Variants in PHACTR1 observed in about 807,000 individuals in gnomAD.
PHACTR1 encodes the protein phosphatase and actin regulator 1.
A neutral mutation model predicts 69.2 loss-of-function variants in PHACTR1; 16 were observed. The observed-to-expected ratio is 0.23, with a 90% CI of 0.16 to 0.35. The LOEUF is 0.35. Ranked by LOEUF, PHACTR1 falls within the 10% of genes least tolerant of loss-of-function variation. The pLI is 1.00. For synonymous variants in PHACTR1, 312 were observed against 284.5 expected (o/e 1.10, Z -0.97); for missense variants, 510 against 734.7 (o/e 0.69, Z 3.54).
intron 4 of PHACTR1, among the ~76,000 whole-genome samples, chr6:12,862,378 C>G (rs1781027814): frequency 6.6e-6 from 1 of 152,146 alleles, no homozygotes; most frequent in Non-Finnish European, 1.5e-5. Flanking sequence ...AATAATGCCC[C>G]TGGAGTCACA....
At chr6:13,008,218 T>C (rs1466698594) in intron 4 of PHACTR1, among the ~76,000 whole-genome samples, 1 of 152,196 alleles carries the variant, frequency 6.6e-6, no homozygotes, top group Non-Finnish European at 1.5e-5. Context: ...CAAAACACAG[T>C]TGGCAGAAAA....
At chr6:12,836,836 A>C (rs762275817) in intron 4 of PHACTR1, among the ~76,000 whole-genome samples, 11 of 152,180 alleles carry the variant, frequency 7.2e-5, no homozygotes, top group Non-Finnish European at 1.3e-4. Context: ...CAGGTCCTAC[A>C]TGCCAGTAAA....
At chr6:12,804,747 T>A (rs1326758329) in intron 4 of PHACTR1, among the ~76,000 whole-genome samples, 1 of 152,158 alleles carries the variant, frequency 6.6e-6, no homozygotes, top group Non-Finnish European at 1.5e-5. Context: ...TGCAGTGAGC[T>A]GAAATCATAC....
chr6:12,816,120 G>T (rs1483960923), intron 4 of PHACTR1, among the ~76,000 whole-genome samples: 1 of 152,164 alleles, frequency 6.6e-6, no homozygotes, highest in Non-Finnish European at 1.5e-5. Flanking sequence ...ACCTTAAATG[G>T]CTCTGGATTG....
At chr6:12,842,127 A>G (rs1162445981) in intron 4 of PHACTR1, among the ~76,000 whole-genome samples, 1 of 152,208 alleles carries the variant, frequency 6.6e-6, no homozygotes. Flanking sequence ...ATAACATTGG[A>G]AAAAAATCTA....
chr6:12,871,808 A>G (rs1230281871), intron 4 of PHACTR1, among the ~76,000 whole-genome samples: 2 of 152,130 alleles, frequency 1.3e-5, no homozygotes, highest in African/African-American at 2.4e-5. Context: ...CTATTTTATT[A>G]GCAGTTAGAA....
At chr6:13,034,506 G>T (rs1026180611) in intron 4 of PHACTR1, among the ~76,000 whole-genome samples, 1 of 152,148 alleles carries the variant, frequency 6.6e-6, no homozygotes, top group Admixed American at 6.5e-5. Context: ...CTCTCTTAGA[G>T]AGCTGAGAAA....
At position 13,232,194 on chromosome 6, in the gene PHACTR1, C is replaced by T. The variant is rs143831248; in HGVS notation, c.1391+2001C>T. Among the ~76,000 whole-genome samples, 1,030 of 152,328 alleles carry T rather than the reference C, an allele frequency of 6.8e-3. 13 individuals are homozygous for T. Among genetic ancestry groups the T allele is most frequent in the African/African-American group, 0.022 (929 of 41,568 alleles). ...AATCAGTTACCTGTTTTCACCATCA[C>T]CTTTGCATTGTACAAGTGAGAAAGG... is the stretch of plus-strand genomic sequence containing the variant. On this transcript the variant is annotated intron_variant, in intron 10 of 14. Transcript: ENST00000332995.
chr6:12,879,880 T>C (rs1431306882), intron 4 of PHACTR1, among the ~76,000 whole-genome samples: 1 of 152,174 alleles, frequency 6.6e-6, no homozygotes, highest in Non-Finnish European at 1.5e-5. Context: ...TATTCTACTC[T>C]CGTATGGGCA....
Position 12,966,973 on chromosome 6 carries a change from G to C in PHACTR1, c.251-86392G>C, listed in dbSNP as rs116737219. ...GGTCCTCATTTTACATTTCATCTCT[G>C]ATATGAATTATCTCTGAACCTTTTT... On this transcript the variant is annotated intron_variant, in intron 4 of 14. Coordinates refer to ENST00000332995, the MANE Select transcript of PHACTR1 (RefSeq NM_030948.6). 4.1e-3 allele frequency among the ~76,000 whole-genome samples: 617 copies of C among 152,242 alleles called. 7 individuals carry two copies. The highest frequency in any genetic ancestry group is 0.014 in the African/African-American group (570 of 41,532).
chr6:12,948,380 C>G lies in PHACTR1; in HGVS notation c.251-104985C>G, dbSNP rs573071771. Among the ~76,000 whole-genome samples the G allele has an allele frequency of 2.0e-5, 3 of 152,242 alleles. No individual in the cohort carries two copies. The East Asian group carries it at 5.8e-4, about 29-fold the overall frequency. On this transcript the variant is annotated intron_variant, in intron 4 of 14. Coordinates refer to ENST00000332995, the MANE Select transcript of PHACTR1 (RefSeq NM_030948.6). Reference sequence around the variant, plus strand: ...AAATAAAGAAAGAGGTATATCCCAGCCAGCTCTAAGGCCTTAAGAGCAAAA... The same window carrying G: ...AAATAAAGAAAGAGGTATATCCCAGGCAGCTCTAAGGCCTTAAGAGCAAAA...
intron 4 of PHACTR1, among the ~76,000 whole-genome samples, chr6:12,988,962 T>A (rs756580683): frequency 6.6e-6 from 1 of 152,108 alleles, no homozygotes. Context: ...CTTGGCAGAG[T>A]CCTCCAAGGA....
intron 4 of PHACTR1, among the ~76,000 whole-genome samples, chr6:13,021,005 T>C (rs543453545): frequency 6.6e-6 from 1 of 152,284 alleles, no homozygotes; most frequent in Admixed American, 6.5e-5. Flanking sequence ...AGCATTTTTA[T>C]TGAGATATAA....
intron 4 of PHACTR1, among the ~76,000 whole-genome samples, chr6:12,871,446 G>A (rs1322734980): frequency 6.6e-6 from 1 of 152,136 alleles, no homozygotes; most frequent in African/African-American, 2.4e-5. Context: ...AAGTCTCAAT[G>A]TATGAGAGTT....
chr6:13,158,243 C>G (rs1261847572), intron 5 of PHACTR1, among the ~76,000 whole-genome samples: 1 of 152,278 alleles, frequency 6.6e-6, no homozygotes, highest in South Asian at 2.1e-4. Flanking sequence ...AATTCCCTGT[C>G]CCTTCTCCAG....
chr6:12,936,060 A>C (rs961640114), intron 4 of PHACTR1, among the ~76,000 whole-genome samples: 4 of 150,324 alleles, frequency 2.7e-5, no homozygotes, highest in African/African-American at 1.0e-4. Context: ...AAAAAAAAAA[A>C]CAGATAATCT....
chr6:12,772,779 A>G (rs2127629748), intron 4 of PHACTR1, among the ~76,000 whole-genome samples: 1 of 152,336 alleles, frequency 6.6e-6, no homozygotes. Context: ...ATTGCACTTA[A>G]ATGGAAAGGT....
intron 5 of PHACTR1, among the ~76,000 whole-genome samples, chr6:13,126,473 T>A (rs1819541480): frequency 6.6e-6 from 1 of 152,230 alleles, no homozygotes; most frequent in Non-Finnish European, 1.5e-5. Flanking sequence ...ATGGTTTGCA[T>A]CAAGAGACCA....
intron 4 of PHACTR1, among the ~76,000 whole-genome samples, chr6:13,023,924 A>C (rs1801333279): frequency 6.6e-6 from 1 of 152,194 alleles, no homozygotes; most frequent in Admixed American, 6.5e-5. Flanking sequence ...TAAAAATACA[A>C]AAATTAGCCG....
Sources: gnomAD v4.1 joint callset for allele counts (sites outside exome capture counted in the v4.1 genomes callset) on GRCh38, gnomAD v4.1.1 for gene constraint, MANE v1.5 for transcripts, NCBI Gene and HGNC (gene_info 2026-07-23, HGNC 2026-07-21) for gene names.